Variants in ONECUT1 observed in about 807,000 individuals in gnomAD.
The protein encoded by ONECUT1 is hepatocyte nuclear factor 6.
ONECUT1 carries 12 observed loss-of-function variants against 25.6 expected under a neutral mutation model. The ratio of observed to expected loss-of-function variants is 0.47; its 90% CI spans 0.30 to 0.76. The LOEUF is 0.76. Ranked by LOEUF, ONECUT1 falls within the 30% of genes least tolerant of loss-of-function variation. The pLI is 0.07. For missense variants in ONECUT1, 620 were observed against 651.2 expected, an observed-to-expected ratio of 0.95 and a Z score of 0.52; for synonymous variants, 285 against 270.2, an observed-to-expected ratio of 1.05 and a Z score of -0.54.
chr15:52,772,905 C>T lies in ONECUT1; in HGVS notation c.1106-15058G>A, dbSNP rs1042656090. 2.6e-5 allele frequency among the ~76,000 whole-genome samples: 4 copies of T among 152,122 alleles called. 1 individual carries two copies. The highest frequency in any genetic ancestry group is 3.8e-4 in the East Asian group (2 of 5,200). The stretch of plus-strand genomic sequence containing the variant: ...CGTGGCATGAGTGCACACACACATA[C>T]GCATATAACAAACCCAAGCTGCATA... On this transcript the variant is annotated intron_variant, in intron 1 of 1. Transcript: ENST00000305901.
At position 52,787,300 on chromosome 15, in the gene ONECUT1, G is replaced by A. The variant is rs547745686; in HGVS notation, c.1105+1480C>T. On this transcript the variant is annotated intron_variant, in intron 1 of 1. Coordinates refer to ENST00000305901, the MANE Select transcript of ONECUT1 (RefSeq NM_004498.4). ...GGCAGGGCAGAGTCTCAGCCAGCGC[G>A]GTGCTTTGGGACCGGTGGCCTGCAG... Among the ~76,000 whole-genome samples, 21 of 152,232 alleles carry A rather than the reference G, an allele frequency of 1.4e-4. No individual in the cohort carries two copies. The East Asian group carries it at 3.9e-3, about 28-fold the overall frequency.
chr15:52,777,737 C>CACACACACAAAAAAAAAAAA (rs57187579), intron 1 of ONECUT1, among the ~76,000 whole-genome samples: 1 of 103,454 alleles, frequency 9.7e-6, no homozygotes, highest in Non-Finnish European at 2.0e-5. Context: ...CACACACACA[C>CACACACACAAAAAAAAAAAA]AAAAAAACAT....
intron 1 of ONECUT1, among the ~76,000 whole-genome samples, chr15:52,783,460 G>A (rs547078553): frequency 3.0e-4 from 45 of 152,290 alleles, no homozygotes; most frequent in African/African-American, 1.1e-3. Flanking sequence ...TCTGCCTACC[G>A]GGGCGAAGAG....
At chr15:52,776,043 G>T (rs141811494) in intron 1 of ONECUT1, among the ~76,000 whole-genome samples, 5 of 152,318 alleles carry the variant, frequency 3.3e-5, no homozygotes, top group African/African-American at 9.6e-5. Flanking sequence ...TGGATGGAAT[G>T]TGAGTAACCA....
Position 52,789,951 on chromosome 15 carries a change from A to C in ONECUT1, c.-67T>G. Reference sequence around the variant, plus strand: ...GCCAGGCAGAGGCGGCGAGGGGCGCACGGAGTCCGGTCTTCACATCGGCTG... The same window carrying C: ...GCCAGGCAGAGGCGGCGAGGGGCGCCCGGAGTCCGGTCTTCACATCGGCTG... On this transcript the variant is annotated 5_prime_UTR_variant, in exon 1 of 2. Coordinates refer to ENST00000305901, the MANE Select transcript of ONECUT1 (RefSeq NM_004498.4). The surrounding 1 kb of genome is among the most constrained non-coding windows in gnomAD (Gnocchi z 4.1). 1 of 1,463,736 alleles carries C rather than the reference A, an allele frequency of 6.8e-7. No homozygotes were observed. Among genetic ancestry groups the C allele is most frequent in the Non-Finnish European group, 9.0e-7 (1 of 1,116,254 alleles). 90.7% of individuals were successfully genotyped at this position (1,463,736 alleles called of 1,614,324 possible). A position where few individuals can be genotyped will look rare whatever the true frequency, so the allele number is the denominator to read the frequency against.
chr15:52,775,185 C>CT (rs532428360), intron 1 of ONECUT1, among the ~76,000 whole-genome samples: 2,276 of 83,884 alleles, frequency 0.027, 67 homozygotes, highest in African/African-American at 0.11. Flanking sequence ...GCAAGACTGT[C>CT]TAAAAAAAAA....
intron 1 of ONECUT1, among the ~76,000 whole-genome samples, chr15:52,768,011 C>T (rs1470565098): frequency 1.3e-5 from 2 of 151,926 alleles, no homozygotes; most frequent in African/African-American, 2.4e-5. Flanking sequence ...GATGGAGAGT[C>T]GAATGATGGT....
At chr15:52,786,744 C>A (rs1043011345) in intron 1 of ONECUT1, among the ~76,000 whole-genome samples, 3 of 151,686 alleles carry the variant, frequency 2.0e-5, no homozygotes, top group Admixed American at 6.6e-5. Context: ...CAGAGGTCGT[C>A]TCTGAACAGA....
chr15:52,768,978 C>T (rs1215759147), intron 1 of ONECUT1, among the ~76,000 whole-genome samples: 1 of 152,202 alleles, frequency 6.6e-6, no homozygotes, highest in African/African-American at 2.4e-5. Flanking sequence ...CTACTGCCCA[C>T]TCAATACCAA....
intron 1 of ONECUT1, among the ~76,000 whole-genome samples, chr15:52,771,746 T>C (rs922434382): frequency 6.6e-6 from 1 of 152,136 alleles, no homozygotes; most frequent in Non-Finnish European, 1.5e-5. Flanking sequence ...GAGATTTTGG[T>C]GCACCCATCA....
chr15:52,774,122 TACACACACACAC>T lies in ONECUT1; in HGVS notation c.1105+14646_1105+14657del, dbSNP rs35891922. Among the ~76,000 whole-genome samples the T allele has an allele frequency of 2.2e-4, 31 of 137,778 alleles. 1 individual carries two copies. Among genetic ancestry groups the T allele is most frequent in the South Asian group, 1.5e-3 (6 of 4,046 alleles). 90.4% of individuals were successfully genotyped at this position (137,778 alleles called of 152,430 possible). The stretch of plus-strand genomic sequence containing the variant: ...TCCCATAGGGAAAAGATTGGAAGGA[TACACACACACAC>T]ACACACACACACACACACACACACA... On this transcript the variant is annotated intron_variant, in intron 1 of 1. Transcript: ENST00000305901.
chr15:52,764,481 G>A (rs2083722862), intron 1 of ONECUT1, among the ~76,000 whole-genome samples: 1 of 152,188 alleles, frequency 6.6e-6, no homozygotes, highest in African/African-American at 2.4e-5. Flanking sequence ...GAAGGACTTG[G>A]TCAAGATCAC....
Position 52,784,191 on chromosome 15 carries a change from A to T in ONECUT1, c.1105+4589T>A, listed in dbSNP as rs2083859465. On this transcript the variant is annotated intron_variant, in intron 1 of 1. Coordinates refer to ENST00000305901, the MANE Select transcript of ONECUT1 (RefSeq NM_004498.4). The surrounding 1 kb of genome is among the most constrained non-coding windows in gnomAD (Gnocchi z 5.0). ...GAGGGCTCGAGGCTTGCAGATAAGG[A>T]GAGGCGCATCCTGGGATTTGGGTCC... Among the ~76,000 whole-genome samples, 1 of 152,146 alleles carries T rather than the reference A, an allele frequency of 6.6e-6. No individual in the cohort carries two copies. The highest frequency in any genetic ancestry group is 2.1e-4 in the South Asian group (1 of 4,824).
chr15:52,770,901 C>T (rs2083763494), intron 1 of ONECUT1, among the ~76,000 whole-genome samples: 1 of 152,034 alleles, frequency 6.6e-6, no homozygotes, highest in African/African-American at 2.4e-5. Flanking sequence ...AATTTTTTGT[C>T]TGAGCTTGGC....
chr15:52,762,660 G>T (rs2083712577), intron 1 of ONECUT1, among the ~76,000 whole-genome samples: 1 of 152,214 alleles, frequency 6.6e-6, no homozygotes, highest in Admixed American at 6.5e-5. Context: ...TGGGTATGGG[G>T]CAGGGGTATG....
At chr15:52,777,718 ACACACACAC>A (rs1299549482) in intron 1 of ONECUT1, among the ~76,000 whole-genome samples, 1 of 113,684 alleles carries the variant, frequency 8.8e-6, no homozygotes, top group Non-Finnish European at 1.6e-5. Flanking sequence ...ACACACACAC[ACACACACAC>A]ACACACACAC....
chr15:52,757,618 C>A lies in ONECUT1; in HGVS notation c.1335G>T (p.Gln445His). ...TGCCTGAATTGGAGCTGCCCTCGTC[C>A]TGCCACTTGTCCAGACTCCTCCTTC... The part of the protein sequence containing the change: ...NARRRSLDKW[Q>H]DEGSSNSGNS... The change falls in exon 2 of 2, where the codon CAG becomes CAT. Residue 445 changes from glutamine (Q) to histidine (H), a missense_variant. Physicochemically the swap from Gln to His is conservative, Grantham distance 24. Around this residue, in one of 4 missense-constraint regions of ONECUT1, gnomAD observed 30 missense variants for 25.1 expected, o/e 1.20. Coordinates refer to ENST00000305901, the MANE Select transcript of ONECUT1 (RefSeq NM_004498.4). The A allele has an allele frequency of 6.2e-7, 1 of 1,614,124 alleles. No homozygotes were observed. Among genetic ancestry groups the A allele is most frequent in the South Asian group, 1.1e-5 (1 of 91,086 alleles).
In ONECUT1 at chr15:52,784,593, C is replaced by T. The variant is rs2083861857; in HGVS notation, c.1105+4187G>A. On this transcript the variant is annotated intron_variant, in intron 1 of 1. Transcript: ENST00000305901. This position sits in a 1 kb window ranked among gnomAD's most constrained non-coding sequence, Gnocchi z 5.0. ...ATCCCCAAGCGCACCTCCCTCTCCT[C>T]ACCCGGGTTTATGCCCGTTACACAG... 6.6e-6 allele frequency among the ~76,000 whole-genome samples: 1 copy of T among 152,198 alleles called. No individual in the cohort carries two copies. The highest frequency in any genetic ancestry group is 1.5e-5 in the Non-Finnish European group (1 of 68,044).
In ONECUT1 at chr15:52,789,708, C is replaced by T. The variant is rs1323326944; in HGVS notation, c.177G>A (p.Leu59=). The change falls in exon 1 of 2, where the codon CTG becomes CTA. Residue 59 remains leucine, a synonymous_variant. Transcript: ENST00000305901. The surrounding 1 kb of genome is among the most constrained non-coding windows in gnomAD (Gnocchi z 4.1). ...AATCTCCGCCGCCGCTGCCGCCGTCCAGCAGGGACGCCATGCCCATGGAGC... is the reference window on the plus strand; with the variant it reads ...AATCTCCGCCGCCGCTGCCGCCGTCTAGCAGGGACGCCATGCCCATGGAGC... ...HPRSMGMASL[L]DGGSGGGDYH... The T allele has an allele frequency of 6.8e-7, 1 of 1,481,268 alleles. No individual in the cohort carries two copies. The highest frequency in any genetic ancestry group is 8.9e-7 in the Non-Finnish European group (1 of 1,124,270). The allele number at this position is 1,481,268 out of a possible 1,614,324, so 91.8% of individuals were successfully genotyped here. A position where few individuals can be genotyped will look rare whatever the true frequency, so the allele number is the denominator to read the frequency against.
Sources: gnomAD v4.1 joint callset for allele counts (sites outside exome capture counted in the v4.1 genomes callset) on GRCh38, gnomAD v4.1.1 for gene constraint, gnomAD v4.1.1 regional missense constraint, Gnocchi (gnomAD v3.1) non-coding constraint, MANE v1.5 for transcripts, NCBI Gene and HGNC (gene_info 2026-07-23, HGNC 2026-07-21) for gene names.